The following CYP39A1 variants were observed in gnomAD, a reference collection of about 807,000 sequenced individuals.
CYP39A1 encodes 24-hydroxycholesterol 7-alpha-hydroxylase.
Under a neutral mutation model 58.1 loss-of-function variants are expected in CYP39A1, and 49 were observed. That is an observed-to-expected ratio of 0.84 (90% confidence interval 0.67 to 1.07). The LOEUF (loss-of-function observed/expected upper bound fraction) is 1.07. Among genes scored for constraint, CYP39A1 ranks in the 50% least tolerant of loss-of-function variants. CYP39A1 has a pLI of 0.00. For missense variants in CYP39A1, 531 were observed against 539.4 expected (o/e 0.98, Z 0.16); for synonymous variants, 209 against 187.6 (o/e 1.11, Z -0.93).
intron 10 of CYP39A1, among the ~76,000 whole-genome samples, chr6:46,576,830 G>T (rs1771872338): frequency 6.6e-6 from 1 of 152,168 alleles, no homozygotes; most frequent in African/African-American, 2.4e-5. Context: ...AAGTCTTTTA[G>T]AAATATGGGA....
intron 7 of CYP39A1, among the ~76,000 whole-genome samples, chr6:46,602,104 C>G (rs760624527): frequency 5.3e-5 from 8 of 152,020 alleles, no homozygotes; most frequent in Non-Finnish European, 5.9e-5. Context: ...AACACAGTGT[C>G]CAGCATACAG....
chr6:46,652,310 C>T, intron 1 of CYP39A1, 96 bp downstream of exon 1: 3 of 1,226,462 alleles, frequency 2.4e-6, no homozygotes, highest in Non-Finnish European at 3.4e-6. Context: ...AGGTATGTTC[C>T]CCGTGTTCTA....
chr6:46,598,616 A>G (rs1396469894), intron 7 of CYP39A1, among the ~76,000 whole-genome samples: 1 of 152,200 alleles, frequency 6.6e-6, no homozygotes, highest in African/African-American at 2.4e-5. Context: ...TTATTTGAAA[A>G]GTGGCTGAGA....
intron 10 of CYP39A1, among the ~76,000 whole-genome samples, chr6:46,556,510 A>G (rs1309579169): frequency 2.0e-5 from 3 of 152,160 alleles, no homozygotes; most frequent in African/African-American, 7.2e-5. Flanking sequence ...AAAAAGAACC[A>G]CAAAAGGGAA....
At chr6:46,558,531 T>C (rs1481943333) in intron 10 of CYP39A1, among the ~76,000 whole-genome samples, 2 of 152,072 alleles carry the variant, frequency 1.3e-5, no homozygotes, top group East Asian at 3.9e-4. Context: ...CTCCTCCAAA[T>C]GTGGAGATTA....
intron 10 of CYP39A1, among the ~76,000 whole-genome samples, chr6:46,575,595 C>T (rs1771806218): frequency 6.6e-6 from 1 of 152,140 alleles, no homozygotes; most frequent in Non-Finnish European, 1.5e-5. Context: ...ATAGCATCCC[C>T]CTGTCCCCAC....
chr6:46,649,580 C>T (rs1762541063), intron 1 of CYP39A1, among the ~76,000 whole-genome samples: 1 of 152,116 alleles, frequency 6.6e-6, no homozygotes, highest in African/African-American at 2.4e-5. Context: ...AGAGTAAATC[C>T]CTACTGACAT....
intron 1 of CYP39A1, among the ~76,000 whole-genome samples, chr6:46,643,976 C>T (rs1408839799): frequency 1.3e-5 from 2 of 152,160 alleles, no homozygotes; most frequent in Non-Finnish European, 2.9e-5. Context: ...AAAGAGCCTA[C>T]GTATCCATTA....
In CYP39A1 at chr6:46,637,995, A is replaced by T. The variant is rs1312575924; in HGVS notation, c.489-17T>A. On this transcript the variant is annotated splice_polypyrimidine_tract_variant and intron_variant, in intron 3 of 11. Transcript: ENST00000275016. ...AGGAGATGTCTACAAAGACAGAAAC[A>T]CACAAAAAGTCAGACCCGAAGACCA... is the stretch of plus-strand genomic sequence containing the variant. 6.3e-7 allele frequency: 1 copy of T among 1,583,334 alleles called. No homozygotes were observed. The highest frequency in any genetic ancestry group is 1.4e-5 in the African/African-American group (1 of 72,770).
Position 46,652,454 on chromosome 6 carries a change from A to G in CYP39A1, c.129T>C (p.Phe43=), listed in dbSNP as rs776465345. 3 of 1,613,840 alleles carry G rather than the reference A, an allele frequency of 1.9e-6. No homozygotes were observed. In the Admixed American group the frequency reaches 5.0e-5, roughly 27 times the overall value. Residue 43 remains phenylalanine, a synonymous_variant, in exon 1 of 12, where the codon TTT becomes TTC. Transcript: ENST00000275016. ...ATTCTAGAGGGGCTTTCCCAAACTC[A>G]AATCCAACTCCAATCCAAGGAATCC... is the stretch of plus-strand genomic sequence containing the variant. ...KGWIPWIGVG[F]EFGKAPLEFI... is the part of the protein sequence containing the mutation.
Position 46,552,719 on chromosome 6 carries a change from C to T in CYP39A1, c.1338+1048G>A, listed in dbSNP as rs545107508. ...AAATTGAACTTCCTTTTATTTCTTA[C>T]AACAGAGGTCCTCAAAGTGTGGCAC... is the stretch of plus-strand genomic sequence containing the variant. On this transcript the variant is annotated intron_variant, in intron 11 of 11. Transcript: ENST00000275016. Among the ~76,000 whole-genome samples, 9 of 152,204 alleles carry T rather than the reference C, an allele frequency of 5.9e-5. No homozygotes were observed. In the South Asian group the frequency reaches 1.0e-3, roughly 18 times the overall value.
intron 6 of CYP39A1, among the ~76,000 whole-genome samples, chr6:46,628,984 G>A (rs1272456029): frequency 6.6e-6 from 1 of 152,128 alleles, no homozygotes; most frequent in Non-Finnish European, 1.5e-5. Context: ...CTTTAAGGTA[G>A]GTATAGCATT....
At chr6:46,608,235 C>G (rs1405782425) in intron 7 of CYP39A1, among the ~76,000 whole-genome samples, 3 of 152,088 alleles carry the variant, frequency 2.0e-5, no homozygotes, top group Admixed American at 6.6e-5. Context: ...GACTTCTATG[C>G]AAAAATAATG....
chr6:46,598,230 T>C (rs1368869920), intron 7 of CYP39A1, among the ~76,000 whole-genome samples: 1 of 152,174 alleles, frequency 6.6e-6, no homozygotes, highest in African/African-American at 2.4e-5. Context: ...TACACTGTTA[T>C]TCTCAAACTT....
At chr6:46,597,464 T>C (rs192290270) in intron 7 of CYP39A1, among the ~76,000 whole-genome samples, 1 of 152,016 alleles carries the variant, frequency 6.6e-6, no homozygotes, top group African/African-American at 2.4e-5. Flanking sequence ...TCCAACTAGA[T>C]GAAAAAGAAA....
In CYP39A1 at chr6:46,652,433, T is replaced by C. The variant is rs907581650; in HGVS notation, c.150A>G (p.Leu50=). 1 of 1,613,582 alleles carries C rather than the reference T, an allele frequency of 6.2e-7. No homozygotes were observed. Among genetic ancestry groups the C allele is most frequent in the Non-Finnish European group, 8.5e-7 (1 of 1,179,800 alleles). ...GVGFEFGKAP[L]EFIEKARIKY... is the part of the protein sequence containing the mutation. ...TGATTCTTGCTTTCTCTATAAATTC[T>C]AGAGGGGCTTTCCCAAACTCAAATC... is the stretch of plus-strand genomic sequence containing the variant. Residue 50 remains leucine, a synonymous_variant, in exon 1 of 12, where the codon CTA becomes CTG. Coordinates refer to ENST00000275016, the MANE Select transcript of CYP39A1 (RefSeq NM_016593.5).
rs1195359985 is a variant in CYP39A1 at position 46,652,747 on chromosome 6, A to ATT, written c.-166_-165insAA. ...GCTTCCTTCCTCTGTCCCAGTTTTCAGGTGATTTTTCCATTGTCGCTCCCT... is the reference window on the plus strand; with the variant it reads ...GCTTCCTTCCTCTGTCCCAGTTTTCATTGGTGATTTTTCCATTGTCGCTCCCT... On this transcript the variant is annotated 5_prime_UTR_variant, in exon 1 of 12. It adds an upstream start codon to the 5' untranslated region. Transcript: ENST00000275016. 26 of 605,128 alleles carry ATT rather than the reference A, an allele frequency of 4.3e-5. No individual in the cohort carries two copies. Among genetic ancestry groups the ATT allele is most frequent in the Non-Finnish European group, 6.8e-5 (25 of 367,018 alleles). The allele number at this position is 605,128 out of a possible 1,614,324, so 37.5% of individuals were successfully genotyped here.
chr6:46,623,436 G>A (rs1775099073), intron 7 of CYP39A1, among the ~76,000 whole-genome samples: 1 of 152,122 alleles, frequency 6.6e-6, no homozygotes, highest in African/African-American at 2.4e-5. Flanking sequence ...TATTCTGGGT[G>A]TGTCTGTGAG....
intron 1 of CYP39A1, among the ~76,000 whole-genome samples, chr6:46,643,179 G>A (rs2150601046): frequency 6.6e-6 from 1 of 152,218 alleles, no homozygotes; most frequent in East Asian, 1.9e-4. Context: ...ATTTTTATTG[G>A]CGTCTAAGTA....
Sources: allele counts gnomAD v4.1 joint callset (sites outside exome capture counted in the v4.1 genomes callset), GRCh38; gene constraint gnomAD v4.1.1; transcripts MANE v1.5; gene names NCBI Gene and HGNC (gene_info 2026-07-23, HGNC 2026-07-21).